Variants in KL observed in about 807,000 individuals in gnomAD.
KL encodes the protein klotho, also known as alpha-klotho.
Under a neutral mutation model 84.2 loss-of-function variants are expected in KL, and 62 were observed. That is an observed-to-expected ratio of 0.74 (90% confidence interval 0.60 to 0.91). KL has a LOEUF of 0.91. Ranked by LOEUF, KL falls within the 40% of genes least tolerant of loss-of-function variation. KL has a pLI of 0.00. For synonymous variants in KL, 528 were observed against 528.0 expected (o/e 1.00, Z 0.00); for missense variants, 1,261 against 1,305.7 (o/e 0.97, Z 0.53).
At chr13:33,027,610 C>A (rs923379401) in intron 1 of KL, among the ~76,000 whole-genome samples, 3 of 152,176 alleles carry the variant, frequency 2.0e-5, no homozygotes, top group African/African-American at 7.2e-5. Context: ...TACAATATAT[C>A]AGAAAGCATT....
intron 1 of KL, among the ~76,000 whole-genome samples, chr13:33,039,026 T>A (rs1365736160): frequency 1.3e-5 from 2 of 152,196 alleles, no homozygotes; most frequent in African/African-American, 4.8e-5. Flanking sequence ...AGACTATAAC[T>A]GCTATCTCTG....
At chr13:33,017,301 A>G in intron 1 of KL, 42 bp downstream of exon 1, 1 of 1,504,794 alleles carries the variant, frequency 6.6e-7, no homozygotes. Context: ...CAGGGGAGAC[A>G]GAGGGCCTCC....
intron 4 of KL, among the ~76,000 whole-genome samples, chr13:33,062,381 A>AC (rs1872241945): frequency 6.7e-6 from 1 of 148,252 alleles, no homozygotes; most frequent in African/African-American, 2.5e-5. Context: ...CACTATTTCA[A>AC]AAAAAAAAAG....
At position 33,061,396 on chromosome 13, in the gene KL, G is replaced by A; in HGVS notation, c.2317G>A (p.Val773Met). The change falls in exon 4 of 5, where the codon GTG becomes ATG. Residue 773 changes from valine (V) to methionine (M), a missense_variant. By Grantham distance (21) the Val-to-Met change is conservative. Transcript: ENST00000380099. ...TTTCGGCTCTGGAGATTATCCATGG[G>A]TGATGAGGGACTGGCTGAACCAAAG... ...PIFGSGDYPW[V>M]MRDWLNQRNN... 1 of 1,614,184 alleles carries A rather than the reference G, an allele frequency of 6.2e-7. No individual in the cohort carries two copies. The highest frequency in any genetic ancestry group is 8.5e-7 in the Non-Finnish European group (1 of 1,180,026).
chr13:33,035,123 G>T (rs1051744496), intron 1 of KL, among the ~76,000 whole-genome samples: 2 of 152,104 alleles, frequency 1.3e-5, no homozygotes. Context: ...ATGACTTTCC[G>T]CTATCCACCA....
intron 1 of KL, among the ~76,000 whole-genome samples, chr13:33,025,130 G>C (rs190505298): frequency 6.6e-6 from 1 of 152,328 alleles, no homozygotes; most frequent in East Asian, 1.9e-4. Context: ...AATAATTACA[G>C]TAAAATGTAT....
intron 1 of KL, among the ~76,000 whole-genome samples, chr13:33,044,726 C>T (rs935284566): frequency 2.4e-4 from 32 of 133,926 alleles, no homozygotes; most frequent in African/African-American, 7.0e-4. Flanking sequence ...TCAGCACTCA[C>T]TGCAGACTTG....
intron 1 of KL, among the ~76,000 whole-genome samples, chr13:33,045,640 C>T (rs1008908255): frequency 2.0e-5 from 3 of 151,986 alleles, no homozygotes; most frequent in Non-Finnish European, 2.9e-5. Context: ...GCCACCACAC[C>T]GACTAATTTT....
At chr13:33,016,267 C>T (rs1369906593), upstream of KL, 1 of 151,890 alleles carries the variant, frequency 6.6e-6, no homozygotes, top group Non-Finnish European at 1.5e-5. Flanking sequence ...CCTCGGCGCC[C>T]CTGCCCCCGC....
intron 1 of KL, among the ~76,000 whole-genome samples, chr13:33,020,506 G>A (rs925052870): frequency 3.9e-5 from 6 of 151,944 alleles, no homozygotes; most frequent in Admixed American, 1.3e-4. Context: ...ATAGACAACC[G>A]CCTTCTCCAC....
At chr13:33,018,300 T>C (rs1031331621) in intron 1 of KL, among the ~76,000 whole-genome samples, 3 of 152,230 alleles carry the variant, frequency 2.0e-5, no homozygotes, top group African/African-American at 7.2e-5. Flanking sequence ...AGACTTATTT[T>C]TAAATTTAGA....
At chr13:33,018,640 C>T (rs1351023556) in intron 1 of KL, among the ~76,000 whole-genome samples, 2 of 152,128 alleles carry the variant, frequency 1.3e-5, no homozygotes, top group African/African-American at 4.8e-5. Context: ...CTGAAAAACT[C>T]TAAAGACCAC....
chr13:33,061,517 T>C lies in KL; in HGVS notation c.2438T>C (p.Leu813Pro). Residue 813 changes from leucine (L) to proline (P), a missense_variant, in exon 4 of 5, where the codon CTT becomes CCT. Physicochemically the swap from Leu to Pro is moderately conservative, Grantham distance 98. Transcript: ENST00000380099. ...FLALSHYTTI[L>P]VDSEKEDPIK... ...GCTTTAAGCCATTATACCACCATCC[T>C]TGTAGACTCAGAAAAAGAAGATCCA... 6.2e-7 allele frequency: 1 copy of C among 1,614,224 alleles called. No homozygotes were observed. Among genetic ancestry groups the C allele is most frequent in the Non-Finnish European group, 8.5e-7 (1 of 1,180,042 alleles).
intron 1 of KL, among the ~76,000 whole-genome samples, chr13:33,025,303 GCA>G (rs1330734538): frequency 1.3e-5 from 2 of 152,184 alleles, no homozygotes; most frequent in Non-Finnish European, 2.9e-5. Context: ...TTTGGACTTT[GCA>G]GATCCTACAG....
At chr13:33,056,807 TA>T (rs975263583) in intron 3 of KL, among the ~76,000 whole-genome samples, 67 of 146,982 alleles carry the variant, frequency 4.6e-4, no homozygotes, top group East Asian at 1.2e-3. Flanking sequence ...GTCCGTCTCT[TA>T]AAAAAAAAAA....
chr13:33,054,068 C>T lies in KL; in HGVS notation c.1121C>T (p.Thr374Ile), dbSNP rs754765650. The change falls in exon 2 of 5, where the codon ACC becomes ATC. Residue 374 changes from threonine (T) to isoleucine (I), a missense_variant. Coordinates refer to ENST00000380099, the MANE Select transcript of KL (RefSeq NM_004795.4). ...TTTTTTGCTCTTTGCTTTGGACCCA[C>T]CTTGAGTTTTCAACTTTTGGACCCT... Reference protein sequence around the residue: ...ADFFALCFGPTLSFQLLDPHM... With the variant: ...ADFFALCFGPILSFQLLDPHM... 1.2e-6 allele frequency: 2 copies of T among 1,613,796 alleles called. No homozygotes were observed. The highest frequency in any genetic ancestry group is 2.2e-5 in the South Asian group (2 of 91,044).
chr13:33,021,450 A>G (rs571220249), intron 1 of KL, among the ~76,000 whole-genome samples: 16 of 152,216 alleles, frequency 1.1e-4, no homozygotes, highest in Non-Finnish European at 2.4e-4. Context: ...TTAGGAGTAT[A>G]TATTGGAAGG....
intron 1 of KL, among the ~76,000 whole-genome samples, chr13:33,037,433 A>T (rs1871177822): frequency 1.3e-5 from 2 of 152,282 alleles, no homozygotes; most frequent in Middle Eastern, 6.8e-3. Context: ...TGTACTATGC[A>T]TGAGCTGTCA....
chr13:33,049,949 C>T lies in KL; in HGVS notation c.820-3818C>T, dbSNP rs563256983. Among the ~76,000 whole-genome samples, 480 of 152,176 alleles carry T rather than the reference C, an allele frequency of 3.2e-3. 3 individuals carry two copies. Among genetic ancestry groups the T allele is most frequent in the Non-Finnish European group, 4.8e-3 (326 of 68,004 alleles). ...AAACAGGTTTTAACAAGTTATAAAT[C>T]CCTCCAGATCAAAGTGCTACTAAAC... On this transcript the variant is annotated intron_variant, in intron 1 of 4. Coordinates refer to ENST00000380099, the MANE Select transcript of KL (RefSeq NM_004795.4).
Sources: gnomAD v4.1 joint callset for allele counts (sites outside exome capture counted in the v4.1 genomes callset) on GRCh38, gnomAD v4.1.1 for gene constraint, MANE v1.5 for transcripts, NCBI Gene and HGNC (gene_info 2026-07-23, HGNC 2026-07-21) for gene names.